Variants in FSHR observed in about 807,000 individuals in gnomAD.
FSHR encodes follicle-stimulating hormone receptor.
Under a neutral mutation model 52.1 loss-of-function variants are expected in FSHR, and 46 were observed. The ratio of observed to expected loss-of-function variants is 0.88; its 90% confidence interval spans 0.70 to 1.13. The LOEUF is 1.13. Among genes scored for constraint, FSHR ranks in the 50% most tolerant of loss-of-function variants. The pLI, the probability that FSHR is intolerant of heterozygous loss-of-function variation, is 0.00. For missense variants in FSHR, 964 were observed against 834.6 expected, an observed-to-expected ratio of 1.16 and a Z score of -1.91; for synonymous variants, 399 against 309.6, an observed-to-expected ratio of 1.29 and a Z score of -3.03.
intron 1 of FSHR, among the ~76,000 whole-genome samples, chr2:49,096,108 A>G (rs1228246287): frequency 1.3e-5 from 2 of 152,166 alleles, no homozygotes; most frequent in Non-Finnish European, 2.9e-5. Flanking sequence ...CAGAAATACT[A>G]CTCATATGTA....
intron 1 of FSHR, among the ~76,000 whole-genome samples, chr2:49,086,912 G>A (rs1025314051): frequency 2.0e-5 from 3 of 152,034 alleles, no homozygotes; most frequent in Non-Finnish European, 4.4e-5. Context: ...GGGATTACAG[G>A]TGTGAGGCAG....
At chr2:49,017,617 T>C in intron 3 of FSHR, 54 bp from the exon 4 acceptor site, 1 of 1,310,104 alleles carries the variant, frequency 7.6e-7, no homozygotes, top group Non-Finnish European at 1.1e-6. Flanking sequence ...AATGCTGTAG[T>C]ATTTTTCACA....
intron 7 of FSHR, 31 bp downstream of exon 7, chr2:48,983,067 A>G: frequency 1.2e-6 from 2 of 1,611,978 alleles, no homozygotes; most frequent in Non-Finnish European, 1.7e-6. Context: ...TTCCCTTTAA[A>G]TGGCCTTGAA....
intron 1 of FSHR, among the ~76,000 whole-genome samples, chr2:49,127,145 T>G (rs549669689): frequency 6.6e-6 from 1 of 152,088 alleles, no homozygotes; most frequent in African/African-American, 2.4e-5. Flanking sequence ...CTGGCCAACA[T>G]GGCGAAACCC....
chr2:49,133,552 G>GA, intron 1 of FSHR, among the ~76,000 whole-genome samples: 2 of 152,226 alleles, frequency 1.3e-5, no homozygotes, highest in Middle Eastern at 3.4e-3. Flanking sequence ...TTTCTTCACA[G>GA]AATTGGAAAA....
At chr2:48,979,829 G>A (rs1372492870) in intron 8 of FSHR, among the ~76,000 whole-genome samples, 1 of 152,144 alleles carries the variant, frequency 6.6e-6, no homozygotes, top group Non-Finnish European at 1.5e-5. Flanking sequence ...GTGTGTGTGT[G>A]TGGGAGCGGG....
At chr2:49,015,640 G>A (rs115366086) in intron 4 of FSHR, among the ~76,000 whole-genome samples, 2,640 of 152,152 alleles carry the variant, frequency 0.017, 32 homozygotes, top group Middle Eastern at 0.041. Context: ...CTACTGTTAT[G>A]TGCCTAGGCA....
intron 1 of FSHR, among the ~76,000 whole-genome samples, chr2:49,074,070 T>G (rs1006120326): frequency 6.6e-6 from 1 of 151,948 alleles, no homozygotes; most frequent in Non-Finnish European, 1.5e-5. Flanking sequence ...ATATAAGACC[T>G]GAAATGATAA....
chr2:48,979,387 G>C (rs1018915622), intron 8 of FSHR, among the ~76,000 whole-genome samples: 6 of 151,992 alleles, frequency 3.9e-5, no homozygotes, highest in African/African-American at 1.5e-4. Context: ...GCTGCTGTCA[G>C]CTATGATGGC....
Position 49,150,899 on chromosome 2 carries a change from A to G in FSHR, c.152+3367T>C, listed in dbSNP as rs1476607804. Among the ~76,000 whole-genome samples the G allele has an allele frequency of 2.0e-5, 3 of 151,934 alleles. No homozygotes were observed. The East Asian group carries it at 5.8e-4, about 29-fold the overall frequency. On this transcript the variant is annotated intron_variant, in intron 1 of 9. Transcript: ENST00000406846. ...GTTTTTCTATGGCCAGTAAGCTAAA[A>G]ATCTTTCTCACCTTTTCACATGGTT...
At chr2:49,064,915 G>A (rs1163446590) in intron 2 of FSHR, among the ~76,000 whole-genome samples, 1 of 152,108 alleles carries the variant, frequency 6.6e-6, no homozygotes, top group African/African-American at 2.4e-5. Flanking sequence ...ATGGGAAGCA[G>A]GATTTTATGA....
chr2:49,087,070 G>GATTTTTTTTTTTTTTTT (rs60949511), intron 1 of FSHR, among the ~76,000 whole-genome samples: 1 of 86,728 alleles, frequency 1.2e-5, no homozygotes, highest in African/African-American at 4.3e-5. Context: ...TGTGGGCAGG[G>GATTTTTTTTTTTTTTTT]TTTTTTTTTT....
At chr2:48,973,275 C>T (rs1444127852) in intron 8 of FSHR, among the ~76,000 whole-genome samples, 1 of 152,006 alleles carries the variant, frequency 6.6e-6, no homozygotes, top group Non-Finnish European at 1.5e-5. Flanking sequence ...CACACATGCA[C>T]ATGCAAATGC....
intron 1 of FSHR, among the ~76,000 whole-genome samples, chr2:49,127,883 CTTCTTCTTCTTCTTCTTTTT>C (rs1672114566): frequency 2.9e-5 from 1 of 34,228 alleles, no homozygotes; most frequent in Admixed American, 4.2e-4. Context: ...TCTTCTTCTT[CTTCTTCTTCTTCTTCTTTTT>C]TTTTTTTGAG....
At chr2:49,137,629 G>A (rs1434726402) in intron 1 of FSHR, among the ~76,000 whole-genome samples, 1 of 152,048 alleles carries the variant, frequency 6.6e-6, no homozygotes, top group East Asian at 1.9e-4. Context: ...CTGACACAAG[G>A]ATAGATATAT....
chr2:49,128,335 A>T (rs964792401), intron 1 of FSHR, among the ~76,000 whole-genome samples: 1 of 152,160 alleles, frequency 6.6e-6, no homozygotes, highest in Non-Finnish European at 1.5e-5. Flanking sequence ...AGCATTTATA[A>T]CTGATATCAC....
At chr2:48,979,971 A>C (rs553503091) in intron 8 of FSHR, among the ~76,000 whole-genome samples, 5 of 152,200 alleles carry the variant, frequency 3.3e-5, no homozygotes, top group Non-Finnish European at 7.3e-5. Flanking sequence ...CTGCACACCT[A>C]CACAAGCACC....
intron 1 of FSHR, among the ~76,000 whole-genome samples, chr2:49,077,593 C>T (rs1181551341): frequency 6.6e-6 from 1 of 152,198 alleles, no homozygotes; most frequent in Non-Finnish European, 1.5e-5. Context: ...ACTATTTCCT[C>T]AGAAATTGGG....
intron 1 of FSHR, among the ~76,000 whole-genome samples, chr2:49,105,535 T>C (rs1671190970): frequency 6.6e-6 from 1 of 152,064 alleles, no homozygotes; most frequent in Non-Finnish European, 1.5e-5. Context: ...TGGGCAAAAA[T>C]AAATGGAAAA....
Sources: gnomAD v4.1 joint callset for allele counts (sites outside exome capture counted in the v4.1 genomes callset) on GRCh38, gnomAD v4.1.1 for gene constraint, MANE v1.5 for transcripts, NCBI Gene and HGNC (gene_info 2026-07-23, HGNC 2026-07-21) for gene names.